The following CABYR variants were observed in gnomAD, a reference collection of about 807,000 sequenced individuals.
CABYR encodes the protein calcium-binding tyrosine phosphorylation-regulated protein.
In CABYR, 31 loss-of-function variants were observed where a neutral mutation model predicts 36.1. That is an observed-to-expected ratio of 0.86 (90% CI 0.64 to 1.16). CABYR has a LOEUF of 1.16. CABYR is among the 50% of genes most tolerant of loss of function. The pLI is 0.00. For missense variants in CABYR, 429 were observed against 455.8 expected (o/e 0.94, Z 0.53); for synonymous variants, 146 against 160.7 (o/e 0.91, Z 0.69).
intron 4 of CABYR, among the ~76,000 whole-genome samples, chr18:24,158,291 G>C: frequency 6.8e-6 from 1 of 147,174 alleles, no homozygotes; most frequent in South Asian, 2.2e-4. Flanking sequence ...TGGAAAAATG[G>C]CCACTTAATC....
chr18:24,147,546 A>G (rs1453072769), intron 3 of CABYR, among the ~76,000 whole-genome samples: 1 of 152,242 alleles, frequency 6.6e-6, no homozygotes, highest in African/African-American at 2.4e-5. Flanking sequence ...TGACATGACT[A>G]TGATGTAGGA....
chr18:24,153,672 C>G lies in CABYR; in HGVS notation c.200-2029C>G, dbSNP rs1294528826. Among the ~76,000 whole-genome samples, 3 of 152,180 alleles carry G rather than the reference C, an allele frequency of 2.0e-5. 1 individual carries two copies. Among genetic ancestry groups the G allele is most frequent in the Non-Finnish European group, 4.4e-5 (3 of 68,032 alleles). On this transcript the variant is annotated intron_variant, in intron 3 of 5. Coordinates refer to ENST00000399496, the MANE Select transcript of CABYR (RefSeq NM_153769.3). ...TTACTTGGTTACCTTTTGACTTCAGCTCTCTGCTGGACTCAAGAAAAGTTA... is the reference window on the plus strand; with the variant it reads ...TTACTTGGTTACCTTTTGACTTCAGGTCTCTGCTGGACTCAAGAAAAGTTA...
Position 24,159,891 on chromosome 18 carries a change from C to T in CABYR, c.961C>T (p.Gln321Ter). Reference sequence around the variant, plus strand: ...CCAGAATGCTAATCCTCCAAGTGGACAAGATGTCCCCAGGCCAAAAAGCCC... The same window carrying T: ...CCAGAATGCTAATCCTCCAAGTGGATAAGATGTCCCCAGGCCAAAAAGCCC... ...SPQNANPPSG[Q>*]DVPRPKSPVF... is the part of the protein sequence containing the mutation. The change falls in exon 5 of 6, where the codon CAA becomes TAA. Residue 321 changes from glutamine to a stop codon, truncating the protein, a stop_gained. Transcript: ENST00000399496. LOFTEE classifies it high-confidence loss of function. 6.2e-7 allele frequency: 1 copy of T among 1,614,160 alleles called. No individual in the cohort carries two copies. Among genetic ancestry groups the T allele is most frequent in the Non-Finnish European group, 8.5e-7 (1 of 1,180,036 alleles).
intron 4 of CABYR, chr18:24,156,670 C>T (rs778222143): frequency 1.4e-5 from 23 of 1,614,062 alleles, no homozygotes; most frequent in Admixed American, 8.3e-5. Context: ...CTCTCTGACA[C>T]ATCTTTGAAA....
At chr18:24,146,382 T>G (rs1470809330) in intron 3 of CABYR, among the ~76,000 whole-genome samples, 1 of 151,848 alleles carries the variant, frequency 6.6e-6, no homozygotes, top group African/African-American at 2.4e-5. Flanking sequence ...GAAAACAATG[T>G]AAGAGATGTA....
intron 1 of CABYR, among the ~76,000 whole-genome samples, chr18:24,142,178 G>A (rs1218187063): frequency 6.6e-6 from 1 of 151,916 alleles, no homozygotes; most frequent in African/African-American, 2.4e-5. Flanking sequence ...AAATTAGCCG[G>A]GCGTGGTGGC....
At chr18:24,154,927 T>G (rs755587668) in intron 3 of CABYR, among the ~76,000 whole-genome samples, 7 of 152,248 alleles carry the variant, frequency 4.6e-5, no homozygotes, top group Non-Finnish European at 1.0e-4. Flanking sequence ...TGGGTCAGTC[T>G]GACTTTGGCT....
chr18:24,161,453 A>C, intron 5 of CABYR, 63 bp from the exon 6 acceptor site: 1 of 774,728 alleles, frequency 1.3e-6, no homozygotes, highest in Non-Finnish European at 2.4e-6. Flanking sequence ...TCTTCTGCTC[A>C]TTTCACATGT....
chr18:24,159,854 T>C lies in CABYR; in HGVS notation c.924T>C (p.His308=), dbSNP rs1051797382. The part of the protein sequence containing the change: ...AVPADEKYQK[H]TLSPQNANPP... ...CTGCAGATGAGAAATACCAGAAACA[T>C]ACCCTAAGTCCCCAGAATGCTAATC... The change falls in exon 5 of 6, where the codon CAT becomes CAC. Residue 308 remains histidine (H), a synonymous_variant. Transcript: ENST00000399496. 21 of 1,614,148 alleles carry C rather than the reference T, an allele frequency of 1.3e-5. No individual in the cohort carries two copies. The highest frequency in any genetic ancestry group is 1.8e-5 in the Non-Finnish European group (21 of 1,180,028).
In CABYR at chr18:24,159,561, C is replaced by G. The variant is rs199602709; in HGVS notation, c.631C>G (p.Pro211Ala). 2.6e-4 allele frequency: 424 copies of G among 1,613,860 alleles called. No homozygotes were observed. Among genetic ancestry groups the G allele is most frequent in the Admixed American group, 1.1e-3 (63 of 59,972 alleles). ...CLTDKNQQGH[P>A]SPPPAPGPFP... ...AACTGATAAGAATCAACAAGGTCACCCATCACCGCCACCTGCACCTGGGCC... is the reference window on the plus strand; with the variant it reads ...AACTGATAAGAATCAACAAGGTCACGCATCACCGCCACCTGCACCTGGGCC... The change falls in exon 5 of 6, where the codon CCA becomes GCA. Residue 211 changes from proline to alanine, a missense_variant. Physicochemically the swap from Pro to Ala is conservative, Grantham distance 27 (BLOSUM62 -1). Coordinates refer to ENST00000399496, the MANE Select transcript of CABYR (RefSeq NM_153769.3).
chr18:24,151,687 CT>C lies in CABYR; in HGVS notation c.200-3995del, dbSNP rs35513415. Among the ~76,000 whole-genome samples the C allele has an allele frequency of 5.2e-3, 640 of 123,926 alleles. 4 individuals are homozygous for C. Among genetic ancestry groups the C allele is most frequent in the African/African-American group, 0.016 (518 of 32,234 alleles). The allele number at this position is 123,926 out of a possible 152,430, so 81.3% of individuals were successfully genotyped here. On this transcript the variant is annotated intron_variant, in intron 3 of 5. Transcript: ENST00000399496. Reference sequence around the variant, plus strand: ...AGCCAAATGGTTGATCTAGTGTTGGCTTTTTTTTTTTTTTTTTTTAAAGACA... The same window carrying C: ...AGCCAAATGGTTGATCTAGTGTTGGCTTTTTTTTTTTTTTTTTTAAAGACA...
chr18:24,149,323 A>C (rs1326181066), intron 3 of CABYR, among the ~76,000 whole-genome samples: 1 of 151,580 alleles, frequency 6.6e-6, no homozygotes, highest in African/African-American at 2.4e-5. Flanking sequence ...CTAGATACAG[A>C]GTGTTGATTG....
chr18:24,150,890 C>T (rs1212304816), intron 3 of CABYR, among the ~76,000 whole-genome samples: 2 of 151,760 alleles, frequency 1.3e-5, no homozygotes, highest in East Asian at 3.9e-4. Flanking sequence ...CGCCATTCTC[C>T]TGCCTCAGCC....
chr18:24,148,319 C>T lies in CABYR; in HGVS notation c.199+4906C>T, dbSNP rs573829673. On this transcript the variant is annotated intron_variant, in intron 3 of 5. Transcript: ENST00000399496. ...TACTCTCAGTGGAAGGGGGATACTACTACCCCTTGAGAACCAGTGTGCCAT... is the reference window on the plus strand; with the variant it reads ...TACTCTCAGTGGAAGGGGGATACTATTACCCCTTGAGAACCAGTGTGCCAT... 4.6e-5 allele frequency among the ~76,000 whole-genome samples: 7 copies of T among 152,308 alleles called. No homozygotes were observed. The South Asian group carries it at 1.2e-3, about 27-fold the overall frequency.
intron 3 of CABYR, among the ~76,000 whole-genome samples, chr18:24,155,036 T>A (rs917321923): frequency 6.6e-6 from 1 of 152,256 alleles, no homozygotes; most frequent in Admixed American, 6.5e-5. Context: ...GCTTATCAAT[T>A]CATTAAGTTA....
chr18:24,149,879 G>T (rs1371468194), intron 3 of CABYR, among the ~76,000 whole-genome samples: 1 of 152,246 alleles, frequency 6.6e-6, no homozygotes, highest in Non-Finnish European at 1.5e-5. Flanking sequence ...TGCCCACTCG[G>T]AACTCCAGCT....
chr18:24,158,810 C>A (rs908272534), intron 4 of CABYR, among the ~76,000 whole-genome samples: 3 of 152,170 alleles, frequency 2.0e-5, no homozygotes, highest in African/African-American at 7.2e-5. Flanking sequence ...GTCACACTTG[C>A]ATTATAGATG....
rs1468951138 is a variant in CABYR, at chr18:24,143,430, G to C, written c.199+17G>C. ...AGATTAAAGGTAAGTACCACAAGTA[G>C]TAATAGTTTTAATAATGATGTTTAT... is the stretch of plus-strand genomic sequence containing the variant. On this transcript the variant is annotated intron_variant, in intron 3 of 5. Coordinates refer to ENST00000399496, the MANE Select transcript of CABYR (RefSeq NM_153769.3). 7.1e-7 allele frequency: 1 copy of C among 1,406,582 alleles called. No homozygotes were observed. Among genetic ancestry groups the C allele is most frequent in the Non-Finnish European group, 9.8e-7 (1 of 1,016,726 alleles). The allele number at this position is 1,406,582 out of a possible 1,614,324, so 87.1% of individuals were successfully genotyped here.
chr18:24,148,482 A>G (rs115620877), intron 3 of CABYR: 2,309 of 152,298 alleles, frequency 0.015, 63 homozygotes, highest in African/African-American at 0.052. Context: ...AAGTTGGGAG[A>G]GATGAGGTTT....
Sources: gnomAD v4.1 joint callset for allele counts (sites outside exome capture counted in the v4.1 genomes callset) on GRCh38, gnomAD v4.1.1 for gene constraint, MANE v1.5 for transcripts, NCBI Gene and HGNC (gene_info 2026-07-23, HGNC 2026-07-21) for gene names.